The following SCHIP1 variants were observed in gnomAD, a reference collection of about 807,000 sequenced individuals.
SCHIP1 encodes schwannomin-interacting protein 1.
In SCHIP1, 8 loss-of-function variants were observed where a neutral mutation model predicts 29.7. The observed-to-expected ratio is 0.27, with a 90% confidence interval of 0.16 to 0.49. The LOEUF (loss-of-function observed/expected upper bound fraction) is 0.49. Among genes scored for constraint, SCHIP1 ranks in the 20% least tolerant of loss-of-function variants. The pLI, the probability that SCHIP1 is intolerant of heterozygous loss-of-function variation, is 0.99. For missense variants in SCHIP1, 193 were observed against 294.6 expected, an observed-to-expected ratio of 0.66 and a Z score of 2.52; for synonymous variants, 76 against 94.9, an observed-to-expected ratio of 0.80 and a Z score of 1.16.
At chr3:159,602,059 T>C in the SCHIP1 span, among the ~76,000 whole-genome samples, 6 of 152,320 alleles carry the variant, frequency 3.9e-5, no homozygotes, top group South Asian at 1.0e-3. Context: ...TTGCCACCCA[T>C]CTGGTATCAG....
At chr3:159,749,048 G>A in the SCHIP1 span, among the ~76,000 whole-genome samples, 5 of 152,302 alleles carry the variant, frequency 3.3e-5, no homozygotes, top group South Asian at 1.0e-3. Context: ...GAGGTGGACA[G>A]ATTGCTTGAA....
At chr3:159,670,474 G>T in the SCHIP1 span, among the ~76,000 whole-genome samples, 1 of 152,162 alleles carries the variant, frequency 6.6e-6, no homozygotes, top group Admixed American at 6.5e-5. Context: ...CAAGGTGAAT[G>T]CTTCCTTTTG....
the SCHIP1 span, among the ~76,000 whole-genome samples, chr3:159,494,744 ACT>A: frequency 6.6e-6 from 1 of 152,170 alleles, no homozygotes; most frequent in Non-Finnish European, 1.5e-5. Flanking sequence ...ATCCTCCCTA[ACT>A]CATTTTTTTA....
the SCHIP1 span, among the ~76,000 whole-genome samples, chr3:159,802,770 A>G: frequency 6.6e-6 from 1 of 152,230 alleles, no homozygotes; most frequent in Non-Finnish European, 1.5e-5. Flanking sequence ...TGTAAGTGAC[A>G]GAAAATCTAA....
At chr3:159,549,599 G>A in the SCHIP1 span, among the ~76,000 whole-genome samples, 1 of 152,102 alleles carries the variant, frequency 6.6e-6, no homozygotes. Flanking sequence ...TAAGGAGAAA[G>A]TTTCACCAGA....
At chr3:159,782,151 A>G in the SCHIP1 span, among the ~76,000 whole-genome samples, 1 of 152,210 alleles carries the variant, frequency 6.6e-6, no homozygotes, top group Admixed American at 6.5e-5. Flanking sequence ...TCTCACTGAA[A>G]GACCAAAAAG....
chr3:159,785,632 T>C, the SCHIP1 span, among the ~76,000 whole-genome samples: 1 of 151,936 alleles, frequency 6.6e-6, no homozygotes, highest in East Asian at 1.9e-4. Context: ...TTGTAGCTTA[T>C]GCTTGAGGTG....
chr3:159,368,000 T>C, the SCHIP1 span, among the ~76,000 whole-genome samples: 187 of 152,310 alleles, frequency 1.2e-3, 1 homozygote, highest in African/African-American at 4.4e-3. Flanking sequence ...TCTATTTCTA[T>C]ATTCCAACTT....
chr3:159,432,329 T>C, the SCHIP1 span, among the ~76,000 whole-genome samples: 1 of 99,898 alleles, frequency 1.0e-5, no homozygotes, highest in African/African-American at 3.6e-5. Flanking sequence ...TGTGTGTGTG[T>C]GTGTGTGTGT....
the SCHIP1 span, among the ~76,000 whole-genome samples, chr3:159,790,439 C>T: frequency 9.9e-5 from 15 of 152,260 alleles, no homozygotes; most frequent in Non-Finnish European, 2.2e-4. Context: ...GCCTGTAATC[C>T]CAGCGCTTTG....
At chr3:159,396,426 T>G in the SCHIP1 span, among the ~76,000 whole-genome samples, 1 of 147,684 alleles carries the variant, frequency 6.8e-6, no homozygotes, top group Non-Finnish European at 1.5e-5. Context: ...CGATGGTCTT[T>G]ACATTTTGGC....
chr3:159,838,444 G>A (rs1371826695), upstream of SCHIP1, among the ~76,000 whole-genome samples: 1 of 152,190 alleles, frequency 6.6e-6, no homozygotes, highest in South Asian at 2.1e-4. Flanking sequence ...GGAAGAGGAA[G>A]AGTTTTTGAG....
the SCHIP1 span, among the ~76,000 whole-genome samples, chr3:159,484,696 T>C: frequency 6.6e-6 from 1 of 152,154 alleles, no homozygotes; most frequent in Non-Finnish European, 1.5e-5. Context: ...AAAACCTGCA[T>C]AAACAGTTGC....
At chr3:159,750,296 T>TATATATATATAC in the SCHIP1 span, among the ~76,000 whole-genome samples, 3 of 132,736 alleles carry the variant, frequency 2.3e-5, no homozygotes, top group Admixed American at 7.7e-5. Context: ...TATATATATA[T>TATATATATATAC]ACACACACAC....
At chr3:159,745,101 G>C in the SCHIP1 span, among the ~76,000 whole-genome samples, 1 of 152,126 alleles carries the variant, frequency 6.6e-6, no homozygotes, top group Non-Finnish European at 1.5e-5. Context: ...TCTATAACAG[G>C]CCTGTTCATT....
At chr3:159,865,108 A>C (rs1039177337) in intron 1 of SCHIP1, among the ~76,000 whole-genome samples, 3 of 152,152 alleles carry the variant, frequency 2.0e-5, no homozygotes, top group Non-Finnish European at 4.4e-5. Context: ...GGCATCACCA[A>C]GCCTTTAGTA....
the SCHIP1 span, among the ~76,000 whole-genome samples, chr3:159,803,514 C>A: frequency 5.9e-5 from 9 of 152,080 alleles, no homozygotes; most frequent in Non-Finnish European, 1.3e-4. Context: ...TTTTTTTGAG[C>A]AGCTCCTTTG....
the SCHIP1 span, among the ~76,000 whole-genome samples, chr3:159,507,174 G>A: frequency 6.6e-6 from 1 of 152,066 alleles, no homozygotes; most frequent in Non-Finnish European, 1.5e-5. Flanking sequence ...CCTTGAAGAG[G>A]TCCTTCACAT....
chr3:159,769,757 TAAATA>T, the SCHIP1 span, among the ~76,000 whole-genome samples: 2 of 151,952 alleles, frequency 1.3e-5, no homozygotes, highest in African/African-American at 2.4e-5. Context: ...TCTCAAAAAT[TAAATA>T]AAATAAAATA....
Sources: gnomAD v4.1 joint callset for allele counts (sites outside exome capture counted in the v4.1 genomes callset) on GRCh38, gnomAD v4.1.1 for gene constraint, MANE v1.5 for transcripts, NCBI Gene and HGNC (gene_info 2026-07-23, HGNC 2026-07-21) for gene names.